The following AP3S2 variants were observed in gnomAD, a reference collection of about 807,000 sequenced individuals.
AP3S2 encodes adaptor related protein complex 3 subunit sigma 2, also known as AP-3 complex subunit sigma-2.
A neutral mutation model predicts 23.4 loss-of-function variants in AP3S2; 22 were observed. The observed-to-expected ratio is 0.94, with a 90% confidence interval of 0.67 to 1.34. The LOEUF (loss-of-function observed/expected upper bound fraction) is 1.34, where lower values mean the gene tolerates loss of function less well. Among genes scored for constraint, AP3S2 ranks in the 40% most tolerant of loss-of-function variants. The pLI is 0.00. For missense variants in AP3S2, 241 were observed against 236.9 expected, an observed-to-expected ratio of 1.02 and a Z score of -0.11; for synonymous variants, 86 against 87.1, an observed-to-expected ratio of 0.99 and a Z score of 0.07.
intron 4 of AP3S2, 193 bp from the exon 5 acceptor site, chr15:89,837,915 A>C: frequency 3.7e-6 from 2 of 537,406 alleles, no homozygotes; most frequent in East Asian, 3.4e-5. Context: ...GGCAACACGA[A>C]TCTCTCCCCT....
intron 4 of AP3S2, among the ~76,000 whole-genome samples, chr15:89,857,441 G>A (rs2141860976): frequency 1.3e-5 from 2 of 152,300 alleles, no homozygotes; most frequent in South Asian, 4.1e-4. Flanking sequence ...ATCAAGGTCA[G>A]AGAGCCAAGG....
chr15:89,846,345 C>T (rs1895487185), intron 4 of AP3S2, among the ~76,000 whole-genome samples: 1 of 151,988 alleles, frequency 6.6e-6, no homozygotes, highest in Admixed American at 6.6e-5. Flanking sequence ...CACCTCTGGA[C>T]ATCTGTGTCT....
chr15:89,859,282 CT>C (rs150347838), intron 4 of AP3S2, among the ~76,000 whole-genome samples: 2 of 140,626 alleles, frequency 1.4e-5, no homozygotes, highest in South Asian at 4.5e-4. Flanking sequence ...TCTTTCTTTC[CT>C]TTTTTCTTTT....
intron 5 of AP3S2, among the ~76,000 whole-genome samples, chr15:89,836,622 C>T (rs528836295): frequency 1.1e-4 from 16 of 152,256 alleles, no homozygotes; most frequent in South Asian, 8.3e-4. Flanking sequence ...GTGGAGGGAA[C>T]GGCAAAAGTG....
At chr15:89,890,968 C>G (rs1352700208) in intron 1 of AP3S2, among the ~76,000 whole-genome samples, 1 of 152,164 alleles carries the variant, frequency 6.6e-6, no homozygotes, top group Non-Finnish European at 1.5e-5. Flanking sequence ...AAAGAACAAA[C>G]AAAGCTCACA....
At chr15:89,850,717 CTT>C (rs11435035) in intron 4 of AP3S2, 2 of 147,130 alleles carry the variant, frequency 1.4e-5, no homozygotes, top group Non-Finnish European at 3.0e-5. Flanking sequence ...TGATTTTTTT[CTT>C]TTTTTTTTTT....
chr15:89,872,497 T>C (rs1489796183), intron 3 of AP3S2, among the ~76,000 whole-genome samples: 1 of 152,216 alleles, frequency 6.6e-6, no homozygotes, highest in African/African-American at 2.4e-5. Flanking sequence ...GAACACACCA[T>C]GTAACTACAA....
chr15:89,838,812 G>T (rs1181864530), intron 4 of AP3S2, among the ~76,000 whole-genome samples: 1 of 152,170 alleles, frequency 6.6e-6, no homozygotes, highest in Non-Finnish European at 1.5e-5. Flanking sequence ...GTAGGGGAAA[G>T]AATTTCAGGT....
intron 3 of AP3S2, among the ~76,000 whole-genome samples, chr15:89,878,952 T>C (rs1198878814): frequency 6.6e-6 from 1 of 152,198 alleles, no homozygotes; most frequent in Non-Finnish European, 1.5e-5. Flanking sequence ...TTCACCATGT[T>C]AGCCAGGCTG....
chr15:89,868,808 C>T (rs1166750937), intron 4 of AP3S2, among the ~76,000 whole-genome samples: 2,047 of 76,608 alleles, frequency 0.027, no homozygotes, highest in East Asian at 0.086. Flanking sequence ...CCGCCCCGTC[C>T]GGGAGGGAGG....
chr15:89,858,158 C>T (rs961023937), intron 4 of AP3S2, among the ~76,000 whole-genome samples: 4 of 152,056 alleles, frequency 2.6e-5, no homozygotes, highest in African/African-American at 9.7e-5. Flanking sequence ...TTCTGCTTTG[C>T]TGGGTGTGGT....
chr15:89,846,601 A>G (rs1415538236), intron 4 of AP3S2, among the ~76,000 whole-genome samples: 2 of 151,568 alleles, frequency 1.3e-5, no homozygotes, highest in African/African-American at 4.9e-5. Context: ...ATCTCGGCTC[A>G]CTGCAACATC....
rs763192872 is a variant in AP3S2, at chr15:89,871,503, TCA to T, written c.315_316del (p.Cys105Ter). ...ATCCATATGGAAGATCAAATCCAAT[TCA>T]CACACATTTTCGAAACACTTATCCA... On this transcript the variant is annotated stop_gained and frameshift_variant, in exon 4 of 6. Coordinates refer to ENST00000336418, the MANE Select transcript of AP3S2 (RefSeq NM_005829.5). LOFTEE classifies it high-confidence loss of function. The T allele has an allele frequency of 1.2e-6, 2 of 1,613,680 alleles. No individual in the cohort carries two copies. The highest frequency in any genetic ancestry group is 2.7e-5 in the African/African-American group (2 of 75,014).
chr15:89,836,290 A>G (rs1895189869), intron 5 of AP3S2, among the ~76,000 whole-genome samples: 1 of 152,126 alleles, frequency 6.6e-6, no homozygotes, highest in African/African-American at 2.4e-5. Flanking sequence ...TACCCAATAA[A>G]TGCTGAAATA....
At chr15:89,842,063 G>C (rs1016862735) in intron 4 of AP3S2, among the ~76,000 whole-genome samples, 2 of 152,058 alleles carry the variant, frequency 1.3e-5, no homozygotes, top group African/African-American at 4.8e-5. Flanking sequence ...GACGAGAAGA[G>C]AAGACAAGCT....
chr15:89,868,101 T>A (rs1447742849), intron 4 of AP3S2, among the ~76,000 whole-genome samples: 1 of 109,210 alleles, frequency 9.2e-6, no homozygotes, highest in African/African-American at 3.4e-5. Context: ...AGCCACCCCG[T>A]CCGGGAGGGA....
chr15:89,867,425 G>A (rs7496689), intron 4 of AP3S2, among the ~76,000 whole-genome samples: 64,881 of 150,094 alleles, frequency 0.43, 14,232 homozygotes, highest in East Asian at 0.61. Flanking sequence ...GCCTCTGCCC[G>A]GCCGCCACCC....
At chr15:89,884,650 CTTT>C (rs200193395) in intron 3 of AP3S2, among the ~76,000 whole-genome samples, 2 of 141,976 alleles carry the variant, frequency 1.4e-5, no homozygotes, top group Non-Finnish European at 1.5e-5. Flanking sequence ...ACATCTTCCC[CTTT>C]TTTTTTTTTT....
intron 4 of AP3S2, among the ~76,000 whole-genome samples, chr15:89,859,399 C>CTTTTTTTT (rs58123055): frequency 8.5e-6 from 1 of 118,038 alleles, no homozygotes; most frequent in Admixed American, 9.9e-5. Flanking sequence ...TTCTTTCTTT[C>CTTTTTTTT]TTTTTTTTTT....
Sources: allele counts gnomAD v4.1 joint callset (sites outside exome capture counted in the v4.1 genomes callset), GRCh38; gene constraint gnomAD v4.1.1; transcripts MANE v1.5; gene names NCBI Gene and HGNC (gene_info 2026-07-23, HGNC 2026-07-21).